The following DPP6 variants were observed in gnomAD, a reference collection of about 807,000 sequenced individuals.
DPP6 encodes the protein dipeptidyl peptidase like 6.
A neutral mutation model predicts 122.6 loss-of-function variants in DPP6; 69 were observed. The observed-to-expected ratio is 0.56, with a 90% CI of 0.46 to 0.69. DPP6 has a LOEUF of 0.69. Among genes scored for constraint, DPP6 ranks in the 30% least tolerant of loss-of-function variants. The pLI is 0.00. For synonymous variants in DPP6, 418 were observed against 433.1 expected (o/e 0.97, Z 0.43); for missense variants, 928 against 1,116.9 (o/e 0.83, Z 2.41).
At chr7:153,918,412 A>G (rs1430180666) in intron 1 of DPP6, among the ~76,000 whole-genome samples, 1 of 151,334 alleles carries the variant, frequency 6.6e-6, no homozygotes, top group Admixed American at 6.6e-5. Context: ...CAAGGCAAAA[A>G]GAAGAGTTAA....
chr7:154,024,151 G>T, intron 1 of DPP6, among the ~76,000 whole-genome samples: 1 of 152,162 alleles, frequency 6.6e-6, no homozygotes, highest in Non-Finnish European at 1.5e-5. Context: ...AATTATGGGA[G>T]CAAATACAGT....
chr7:154,230,063 T>G (rs959575913), intron 1 of DPP6, among the ~76,000 whole-genome samples: 1 of 152,258 alleles, frequency 6.6e-6, no homozygotes, highest in African/African-American at 2.4e-5. Flanking sequence ...AAGTTAGAGT[T>G]TGCAAGATCT....
chr7:154,308,974 GCA>G (rs1284915537), intron 1 of DPP6, among the ~76,000 whole-genome samples: 4 of 152,146 alleles, frequency 2.6e-5, no homozygotes, highest in Non-Finnish European at 5.9e-5. Context: ...ACAAACAAAT[GCA>G]CACACGTGAA....
intron 1 of DPP6, among the ~76,000 whole-genome samples, chr7:154,099,213 A>ATATT (rs1253410353): frequency 4.6e-5 from 7 of 152,236 alleles, no homozygotes; most frequent in Non-Finnish European, 7.3e-5. Context: ...AATAATGTCC[A>ATATT]TTCATATTAA....
chr7:154,273,784 A>G (rs74454913), intron 1 of DPP6, among the ~76,000 whole-genome samples: 2,459 of 152,358 alleles, frequency 0.016, 58 homozygotes, highest in African/African-American at 0.055. Context: ...TTATAGTCAG[A>G]CTGGCACAAG....
At chr7:153,960,693 A>ATG (rs1313440504) in intron 1 of DPP6, among the ~76,000 whole-genome samples, 1 of 143,732 alleles carries the variant, frequency 7.0e-6, no homozygotes, top group African/African-American at 2.6e-5. Context: ...ATGCGTGTGC[A>ATG]TGTGTGTGTG....
intron 3 of DPP6, among the ~76,000 whole-genome samples, chr7:154,533,422 A>G (rs563630523): frequency 6.6e-6 from 1 of 152,216 alleles, no homozygotes; most frequent in Non-Finnish European, 1.5e-5. Flanking sequence ...ATTTCGGTTA[A>G]AGAACTTGCA....
chr7:153,785,499 T>C, the DPP6 span, among the ~76,000 whole-genome samples: 1 of 152,200 alleles, frequency 6.6e-6, no homozygotes, highest in African/African-American at 2.4e-5. Flanking sequence ...TTTTCAAGCA[T>C]TTTCTAGGTC....
At chr7:153,913,502 A>T (rs994801379) in intron 1 of DPP6, among the ~76,000 whole-genome samples, 1 of 152,190 alleles carries the variant, frequency 6.6e-6, no homozygotes, top group African/African-American at 2.4e-5. Flanking sequence ...TAAAAATATG[A>T]TGACTGACCT....
chr7:154,719,984 A>G (rs731983), intron 7 of DPP6, among the ~76,000 whole-genome samples: 100,602 of 152,032 alleles, frequency 0.66, 33,811 homozygotes, highest in South Asian at 0.75. Context: ...CCTCTCCCCC[A>G]TGCTCCTGCA....
intron 1 of DPP6, among the ~76,000 whole-genome samples, chr7:154,036,974 A>G (rs1478920348): frequency 6.6e-6 from 1 of 152,212 alleles, no homozygotes; most frequent in Non-Finnish European, 1.5e-5. Context: ...TCCCAAGGCA[A>G]AAGGAAATTA....
At chr7:154,703,558 G>A (rs113839575) in intron 7 of DPP6, among the ~76,000 whole-genome samples, 6,887 of 149,484 alleles carry the variant, frequency 0.046, 523 homozygotes, top group African/African-American at 0.16. Flanking sequence ...GGCAGAGATT[G>A]CATTGAGCCA....
intron 1 of DPP6, among the ~76,000 whole-genome samples, chr7:153,987,818 A>C (rs889240182): frequency 2.0e-5 from 3 of 152,186 alleles, no homozygotes; most frequent in Non-Finnish European, 2.9e-5. Context: ...CAGCATAAAT[A>C]AAATGGCATC....
chr7:154,801,527 C>G (rs1394443841), intron 13 of DPP6, 65 bp downstream of exon 13: 75 of 1,489,434 alleles, frequency 5.0e-5, no homozygotes, highest in Non-Finnish European at 5.6e-5. Context: ...GGGGTGACAG[C>G]CTCTAGGGCT....
At position 153,908,674 on chromosome 7, in the gene DPP6, G is replaced by C. The variant is rs565494191; in HGVS notation, c.51+20940G>C. On this transcript the variant is annotated intron_variant, in intron 1 of 25. Transcript: ENST00000404039. ...AGGATTTCATTATACGATTCCTTATGAACACTGTCATAAAATGAGTAGTTA... is the reference window on the plus strand; with the variant it reads ...AGGATTTCATTATACGATTCCTTATCAACACTGTCATAAAATGAGTAGTTA... Among the ~76,000 whole-genome samples, 26 of 152,246 alleles carry C rather than the reference G, an allele frequency of 1.7e-4. No individual in the cohort carries two copies. The South Asian group carries it at 2.9e-3, about 17-fold the overall frequency.
At chr7:154,012,725 G>C (rs1183225359) in intron 1 of DPP6, among the ~76,000 whole-genome samples, 1 of 152,082 alleles carries the variant, frequency 6.6e-6, no homozygotes, top group Admixed American at 6.5e-5. Flanking sequence ...CCTTGTTACT[G>C]AAACCATCAT....
rs1015182291 is a variant in DPP6 at position 154,755,162 on chromosome 7, AAAG to A, written c.884-14252_884-14250del. On this transcript the variant is annotated intron_variant, in intron 8 of 25. Transcript: ENST00000377770. The surrounding 1 kb of genome is among the most constrained non-coding windows in gnomAD (Gnocchi z 4.7). ...GTAAAATAAATTAAAAAAAAAAAAA[AAAG>A]AAACTGAACACATGTCAGGAGCTGA... 6.6e-6 allele frequency among the ~76,000 whole-genome samples: 1 copy of A among 151,708 alleles called. No individual in the cohort carries two copies. Among genetic ancestry groups the A allele is most frequent in the Non-Finnish European group, 1.5e-5 (1 of 67,904 alleles).
At chr7:154,472,852 C>G (rs1417236512) in intron 2 of DPP6, among the ~76,000 whole-genome samples, 3 of 152,180 alleles carry the variant, frequency 2.0e-5, no homozygotes, top group African/African-American at 7.2e-5. Flanking sequence ...GCCTCCACCA[C>G]ATACTTTCCC....
intron 1 of DPP6, among the ~76,000 whole-genome samples, chr7:153,965,427 A>G (rs1795649863): frequency 6.6e-6 from 1 of 152,172 alleles, no homozygotes; most frequent in Non-Finnish European, 1.5e-5. Context: ...CCCTGCAGTG[A>G]TATCCTACAC....
Sources: allele counts gnomAD v4.1 joint callset (sites outside exome capture counted in the v4.1 genomes callset), GRCh38; gene constraint gnomAD v4.1.1; non-coding constraint Gnocchi (gnomAD v3.1); transcripts MANE v1.5; gene names NCBI Gene and HGNC (gene_info 2026-07-23, HGNC 2026-07-21).